The following DHRSX variants were observed in gnomAD, a reference collection of about 807,000 sequenced individuals.
DHRSX encodes the protein dehydrogenase/reductase X-linked.
In DHRSX, 31 loss-of-function variants were observed where a neutral mutation model predicts 34.0. That is an observed-to-expected ratio of 0.91 (90% CI 0.69 to 1.23). The LOEUF (loss-of-function observed/expected upper bound fraction) is 1.23, where lower values mean the gene tolerates loss of function less well. Among genes scored for constraint, DHRSX ranks in the 50% most tolerant of loss-of-function variants. The pLI is 0.00. For synonymous variants in DHRSX, 201 were observed against 183.8 expected (o/e 1.09, Z -0.76); for missense variants, 414 against 428.1 (o/e 0.97, Z 0.29).
At chrX:2,283,143 G>T (rs1339829321) in intron 4 of DHRSX, among the ~76,000 whole-genome samples, 1 of 151,870 alleles carries the variant, frequency 6.6e-6, no homozygotes, top group African/African-American at 2.4e-5. Flanking sequence ...ATCTCGGGAG[G>T]GCGGTGGGAA....
intron 3 of DHRSX, among the ~76,000 whole-genome samples, chrX:2,378,925 A>G (rs2317104): frequency 0.31 from 47,040 of 151,704 alleles, 7,501 homozygotes; most frequent in Non-Finnish European, 0.36. Flanking sequence ...GCCTGCCTCA[A>G]CCTCCCAAAG....
intron 1 of DHRSX, among the ~76,000 whole-genome samples, chrX:2,473,489 G>A (rs768406778): frequency 6.6e-6 from 1 of 151,748 alleles, no homozygotes; most frequent in Non-Finnish European, 1.5e-5. Context: ...CGGGCGTGGT[G>A]GCACATGCCT....
intron 3 of DHRSX, among the ~76,000 whole-genome samples, chrX:2,399,446 CCTG>C (rs2043457175): frequency 6.6e-6 from 1 of 151,124 alleles, no homozygotes; most frequent in African/African-American, 2.4e-5. Context: ...ATAGCTCACG[CCTG>C]TAATCCCAGC....
intron 3 of DHRSX, among the ~76,000 whole-genome samples, chrX:2,372,940 A>G (rs1184294275): frequency 1.3e-5 from 2 of 151,840 alleles, no homozygotes; most frequent in African/African-American, 4.8e-5. Context: ...TGGCTCATAA[A>G]CCGCGGCTCT....
chrX:2,268,542 T>C (rs1322248783), intron 4 of DHRSX, among the ~76,000 whole-genome samples: 1 of 152,246 alleles, frequency 6.6e-6, no homozygotes, highest in African/African-American at 2.4e-5. Context: ...TAGAGATATA[T>C]GTTAGCATGT....
chrX:2,462,210 G>C (rs1363173500), intron 1 of DHRSX, among the ~76,000 whole-genome samples: 1 of 150,208 alleles, frequency 6.7e-6, no homozygotes, highest in African/African-American at 2.5e-5. Flanking sequence ...GAAAAAAGTA[G>C]CAAGAAAAAA....
chrX:2,290,066 C>A (rs1018540304), intron 4 of DHRSX, among the ~76,000 whole-genome samples: 1 of 152,152 alleles, frequency 6.6e-6, no homozygotes, highest in African/African-American at 2.4e-5. Context: ...AATACATATA[C>A]AAATACATAT....
chrX:2,480,517 A>C (rs1454243519), intron 1 of DHRSX, among the ~76,000 whole-genome samples: 1 of 18,228 alleles, frequency 5.5e-5, no homozygotes, highest in Admixed American at 7.9e-4. Flanking sequence ...CCGCATCTTT[A>C]AAAAAAAAAA....
intron 2 of DHRSX, among the ~76,000 whole-genome samples, chrX:2,412,160 C>G (rs754947009): frequency 1.3e-5 from 2 of 152,324 alleles, no homozygotes; most frequent in South Asian, 4.1e-4. Context: ...ACGTCCCAAA[C>G]ACAGTGCATC....
At chrX:2,379,589 G>A (rs1181407931) in intron 3 of DHRSX, among the ~76,000 whole-genome samples, 1 of 144,250 alleles carries the variant, frequency 6.9e-6, no homozygotes, top group Non-Finnish European at 1.5e-5. Flanking sequence ...TGGGCTGGCA[G>A]TGGAGGTTTT....
chrX:2,252,922 C>T (rs1340123980), intron 5 of DHRSX, among the ~76,000 whole-genome samples: 2 of 150,158 alleles, frequency 1.3e-5, no homozygotes, highest in Admixed American at 1.3e-4. Flanking sequence ...TGGTGGCTCG[C>T]GCATGTAATC....
chrX:2,453,745 C>T (rs2044257852), intron 1 of DHRSX, among the ~76,000 whole-genome samples: 1 of 148,894 alleles, frequency 6.7e-6, no homozygotes, highest in African/African-American at 2.4e-5. Flanking sequence ...TATCACACCA[C>T]AGTGATGATA....
At chrX:2,259,744 C>T (rs2041337639) in intron 5 of DHRSX, among the ~76,000 whole-genome samples, 1 of 151,996 alleles carries the variant, frequency 6.6e-6, no homozygotes, top group Non-Finnish European at 1.5e-5. Context: ...CTCGGGGAGT[C>T]CCTGACCCCG....
At chrX:2,384,119 C>T (rs936570839) in intron 3 of DHRSX, among the ~76,000 whole-genome samples, 15 of 152,080 alleles carry the variant, frequency 9.9e-5, no homozygotes, top group Non-Finnish European at 1.9e-4. Flanking sequence ...CCGAAAATGA[C>T]GGAGTGTTTT....
intron 3 of DHRSX, among the ~76,000 whole-genome samples, chrX:2,344,883 A>G (rs2042683502): frequency 2.7e-5 from 1 of 36,378 alleles, no homozygotes; most frequent in Non-Finnish European, 8.2e-5. Context: ...ATATATATAT[A>G]TATATATATA....
intron 5 of DHRSX, among the ~76,000 whole-genome samples, chrX:2,259,596 A>G (rs995202108): frequency 1.3e-5 from 2 of 152,116 alleles, no homozygotes; most frequent in Non-Finnish European, 2.9e-5. Context: ...TGGATGCTTC[A>G]AAGTCACAGA....
chrX:2,482,354 CCT>C (rs1031066294), intron 1 of DHRSX, among the ~76,000 whole-genome samples: 9 of 152,022 alleles, frequency 5.9e-5, no homozygotes, highest in African/African-American at 1.9e-4. Context: ...GTCTCAAACC[CCT>C]GAGTTCAAGT....
chrX:2,303,817 G>A (rs1312475920), intron 3 of DHRSX, among the ~76,000 whole-genome samples: 8 of 82,844 alleles, frequency 9.7e-5, no homozygotes, highest in South Asian at 4.5e-4. Context: ...GGATGGGTGG[G>A]TGGATGGGTG....
chrX:2,379,487 G>A (rs1211920143), intron 3 of DHRSX, among the ~76,000 whole-genome samples: 2 of 151,828 alleles, frequency 1.3e-5, no homozygotes, highest in Non-Finnish European at 2.9e-5. Flanking sequence ...TTTTAAACAG[G>A]TCAACGGATG....
Sources: allele counts gnomAD v4.1 joint callset (sites outside exome capture counted in the v4.1 genomes callset), GRCh38; gene constraint gnomAD v4.1.1; transcripts MANE v1.5; gene names NCBI Gene and HGNC (gene_info 2026-07-23, HGNC 2026-07-21).